The following ORC5 variants were observed in gnomAD, a reference collection of about 807,000 sequenced individuals.
ORC5 encodes the protein protein phosphatase 1, regulatory subunit 117.
Under a neutral mutation model 58.8 loss-of-function variants are expected in ORC5, and 39 were observed. The ratio of observed to expected loss-of-function variants is 0.66; its 90% CI spans 0.51 to 0.87. The LOEUF (loss-of-function observed/expected upper bound fraction) is 0.87, where lower values mean the gene tolerates loss of function less well. Among genes scored for constraint, ORC5 ranks in the 40% least tolerant of loss-of-function variants. The pLI is 0.00. For synonymous variants in ORC5, 218 were observed against 177.6 expected (o/e 1.23, Z -1.81); for missense variants, 493 against 506.3 (o/e 0.97, Z 0.25).
chr7:104,188,461 ATT>A, intron 5 of ORC5, 80 bp from the exon 6 acceptor site: 1 of 1,091,492 alleles, frequency 9.2e-7, no homozygotes, highest in Non-Finnish European at 1.3e-6. Flanking sequence ...TAACAAAGGT[ATT>A]AAAAAAAAAA....
At chr7:104,158,333 G>C (rs1798962971) in intron 12 of ORC5, among the ~76,000 whole-genome samples, 1 of 152,026 alleles carries the variant, frequency 6.6e-6, no homozygotes, top group African/African-American at 2.4e-5. Context: ...ATTCAACATG[G>C]ATTAAAGACT....
At chr7:104,187,864 A>G in intron 6 of ORC5, 1 of 989,524 alleles carries the variant, frequency 1.0e-6, no homozygotes, top group East Asian at 1.1e-4. Context: ...ATAAAACTTG[A>G]ACAAAATCTG....
At chr7:104,204,766 C>T (rs990559346) in intron 1 of ORC5, among the ~76,000 whole-genome samples, 4 of 152,160 alleles carry the variant, frequency 2.6e-5, no homozygotes, top group Admixed American at 6.5e-5. Flanking sequence ...TAAATGCATA[C>T]ATTAGATCAC....
chr7:104,200,875 A>C lies in ORC5; in HGVS notation c.249T>G (p.Leu83=). Reference sequence around the variant, plus strand: ...TAGAACATCCATCCTCTGAAGAACTAAGATGATTCAATTTGTTTAAAATTT... The same window carrying C: ...TAGAACATCCATCCTCTGAAGAACTCAGATGATTCAATTTGTTTAAAATTT... ...LEQILNKLNH[L]SSSEDGCSTE... Residue 83 remains leucine, a synonymous_variant, in exon 3 of 14, where the codon CTT becomes CTG. Coordinates refer to ENST00000297431, the MANE Select transcript of ORC5 (RefSeq NM_002553.4). 4 of 1,613,196 alleles carry C rather than the reference A, an allele frequency of 2.5e-6. No homozygotes were observed. The highest frequency in any genetic ancestry group is 3.4e-6 in the Non-Finnish European group (4 of 1,179,188).
At chr7:104,173,240 G>A (rs1240089302) in intron 8 of ORC5, among the ~76,000 whole-genome samples, 1 of 152,184 alleles carries the variant, frequency 6.6e-6, no homozygotes, top group Non-Finnish European at 1.5e-5. Flanking sequence ...CTTTGTTGTT[G>A]ATCCTTGTAG....
intron 8 of ORC5, among the ~76,000 whole-genome samples, chr7:104,176,529 C>T (rs913562583): frequency 1.1e-4 from 16 of 150,622 alleles, no homozygotes; most frequent in Middle Eastern, 3.2e-3. Flanking sequence ...GTCAGTCTTA[C>T]GATCTCTCTG....
In ORC5 at chr7:104,166,888, T is replaced by C; in HGVS notation, c.878-4A>G. On this transcript the variant is annotated splice_polypyrimidine_tract_variant and splice_region_variant and intron_variant, in intron 9 of 13. Coordinates refer to ENST00000297431, the MANE Select transcript of ORC5 (RefSeq NM_002553.4). ...ACATGAGTATGCGCTGAGAGGCCTA[T>C]ATAACAAAACACTTTGATGAAGTAC... 1.3e-6 allele frequency: 2 copies of C among 1,529,748 alleles called. No individual in the cohort carries two copies. The highest frequency in any genetic ancestry group is 1.2e-5 in the South Asian group (1 of 86,580). 94.8% of individuals were successfully genotyped at this position (1,529,748 alleles called of 1,614,324 possible). A position where few individuals can be genotyped will look rare whatever the true frequency, so the allele number is the denominator to read the frequency against.
chr7:104,203,017 G>C (rs1799982680), intron 2 of ORC5, among the ~76,000 whole-genome samples: 1 of 152,208 alleles, frequency 6.6e-6, no homozygotes, highest in African/African-American at 2.4e-5. Context: ...GGGGGCATCT[G>C]ATACAGCCTA....
At chr7:104,200,676 T>C in intron 3 of ORC5, 82 bp downstream of exon 3, 1 of 897,850 alleles carries the variant, frequency 1.1e-6, no homozygotes, top group Non-Finnish European at 1.7e-6. Flanking sequence ...ATAATGAGAC[T>C]CAAAACAAAT....
chr7:104,164,891 G>A (rs1198261761), intron 11 of ORC5, among the ~76,000 whole-genome samples: 1 of 152,112 alleles, frequency 6.6e-6, no homozygotes, highest in Non-Finnish European at 1.5e-5. Flanking sequence ...GTATTTATGA[G>A]TTTACCTTTT....
intron 6 of ORC5, among the ~76,000 whole-genome samples, chr7:104,185,057 T>C (rs1799515032): frequency 7.1e-6 from 1 of 139,900 alleles, no homozygotes; most frequent in Admixed American, 7.3e-5. Flanking sequence ...CTTTTGAGTC[T>C]CATATTTTGT....
chr7:104,170,688 C>G (rs917852219), intron 8 of ORC5, among the ~76,000 whole-genome samples: 10 of 152,160 alleles, frequency 6.6e-5, no homozygotes, highest in African/African-American at 1.2e-4. Context: ...GTACAATATA[C>G]TAGTACAGTT....
intron 13 of ORC5, 60 bp from the exon 14 acceptor site, chr7:104,126,953 T>A: frequency 8.0e-7 from 1 of 1,253,512 alleles, no homozygotes; most frequent in African/African-American, 1.5e-5. Flanking sequence ...CAGCTTTGTA[T>A]GATTCTGGAA....
At chr7:104,153,419 C>T (rs567494588) in intron 12 of ORC5, among the ~76,000 whole-genome samples, 2 of 152,132 alleles carry the variant, frequency 1.3e-5, no homozygotes, top group Non-Finnish European at 2.9e-5. Flanking sequence ...TCCCTGCTGA[C>T]CTCTTCATCA....
chr7:104,193,025 A>T (rs1470591248), intron 5 of ORC5, among the ~76,000 whole-genome samples: 1 of 152,076 alleles, frequency 6.6e-6, no homozygotes, highest in Non-Finnish European at 1.5e-5. Context: ...CACACAAAAA[A>T]GATAGAGAAG....
At chr7:104,190,769 C>T (rs926041136) in intron 5 of ORC5, among the ~76,000 whole-genome samples, 2 of 151,770 alleles carry the variant, frequency 1.3e-5, no homozygotes, top group Non-Finnish European at 2.9e-5. Context: ...AAGTTTTTTG[C>T]AAAAATTACA....
intron 8 of ORC5, among the ~76,000 whole-genome samples, chr7:104,170,342 G>A (rs1230464218): frequency 2.0e-5 from 3 of 152,082 alleles, no homozygotes; most frequent in Non-Finnish European, 1.5e-5. Context: ...GGGGTAAAAG[G>A]GACTTAGCAG....
intron 13 of ORC5, among the ~76,000 whole-genome samples, chr7:104,135,027 T>C (rs550288135): frequency 5.9e-5 from 9 of 152,276 alleles, no homozygotes; most frequent in African/African-American, 1.7e-4. Flanking sequence ...TAAATGAAAG[T>C]GCATGTCTCT....
chr7:104,178,307 C>T (rs1799363078), intron 8 of ORC5, among the ~76,000 whole-genome samples: 2 of 152,198 alleles, frequency 1.3e-5, no homozygotes. Flanking sequence ...TTTCATTTCT[C>T]TAATGACCAG....
Sources: gnomAD v4.1 joint callset for allele counts (sites outside exome capture counted in the v4.1 genomes callset) on GRCh38, gnomAD v4.1.1 for gene constraint, MANE v1.5 for transcripts, NCBI Gene and HGNC (gene_info 2026-07-23, HGNC 2026-07-21) for gene names.